The following SCAF4 variants were observed in gnomAD, a reference collection of about 807,000 sequenced individuals.
SCAF4 encodes SR-related and CTD-associated factor 4.
In SCAF4, 25 loss-of-function variants were observed where a neutral mutation model predicts 129.8. The ratio of observed to expected loss-of-function variants is 0.19; its 90% CI spans 0.14 to 0.27. The LOEUF is 0.27. SCAF4 is among the 10% of genes least tolerant of loss of function. The pLI, the probability that SCAF4 is intolerant of heterozygous loss-of-function variation, is 1.00. For synonymous variants in SCAF4, 551 were observed against 497.7 expected, an observed-to-expected ratio of 1.11 and a Z score of -1.43; for missense variants, 1,246 against 1,457.1, an observed-to-expected ratio of 0.86 and a Z score of 2.36.
chr21:31,692,270 TGG>T, intron 13 of SCAF4, 77 bp downstream of exon 13: 2 of 1,074,180 alleles, frequency 1.9e-6, no homozygotes, highest in Non-Finnish European at 2.9e-6. Context: ...ATTGTAACTT[TGG>T]TCTCAGGTCC....
At position 31,671,918 on chromosome 21, in the gene SCAF4, T is replaced by C. The variant is rs1333748476; in HGVS notation, c.2925A>G (p.Pro975=). The change falls in exon 20 of 20, where the codon CCA becomes CCG. Residue 975 remains proline, a synonymous_variant. Transcript: ENST00000286835. The part of the protein sequence containing the change: ...QQPPPSQQPP[P]TQQQPQQFRN... ...TAAACTGCTGTGGCTGCTGCTGTGT[T>C]GGTGGAGGCTGTTGTGATGGTGGTG... 2 of 1,612,644 alleles carry C rather than the reference T, an allele frequency of 1.2e-6. No homozygotes were observed. The highest frequency in any genetic ancestry group is 4.5e-5 in the East Asian group (2 of 44,852).
At chr21:31,678,272 C>T (rs558092802) in intron 19 of SCAF4, among the ~76,000 whole-genome samples, 1 of 152,310 alleles carries the variant, frequency 6.6e-6, no homozygotes, top group East Asian at 1.9e-4. Context: ...GCAATTACAT[C>T]TACCAGTTGC....
In SCAF4 at chr21:31,731,801, C is replaced by T. The variant is rs1383664172; in HGVS notation, c.-109G>A. ...GGGCCTGGTGGCCGGGGGGAGGCGA[C>T]GAGCGGCGGAGTCCGAGGCCCGGGC... is the stretch of plus-strand genomic sequence containing the variant. On this transcript the variant is annotated 5_prime_UTR_variant, in exon 1 of 20. Transcript: ENST00000286835. 3.1e-6 allele frequency: 4 copies of T among 1,292,724 alleles called. No individual in the cohort carries two copies. Among genetic ancestry groups the T allele is most frequent in the Non-Finnish European group, 4.1e-6 (4 of 985,674 alleles). The allele number at this position is 1,292,724 out of a possible 1,614,324, so 80.1% of individuals were successfully genotyped here.
intron 1 of SCAF4, among the ~76,000 whole-genome samples, chr21:31,714,087 C>A (rs1372770824): frequency 6.6e-6 from 1 of 152,094 alleles, no homozygotes. Context: ...AAATTAATTT[C>A]TCTAAGCCAT....
intron 1 of SCAF4, among the ~76,000 whole-genome samples, chr21:31,723,184 G>A (rs1289735955): frequency 1.3e-5 from 2 of 152,108 alleles, no homozygotes; most frequent in African/African-American, 4.8e-5. Context: ...ACTGTCTACC[G>A]AACACAAATA....
At chr21:31,715,250 C>A (rs79856588) in intron 1 of SCAF4, among the ~76,000 whole-genome samples, 3,743 of 152,006 alleles carry the variant, frequency 0.025, 154 homozygotes, top group African/African-American at 0.086. Context: ...AGCATCTTCT[C>A]CTTCTATCTC....
chr21:31,703,737 C>T, intron 4 of SCAF4, 28 bp downstream of exon 4: 3 of 1,201,948 alleles, frequency 2.5e-6, no homozygotes, highest in Non-Finnish European at 3.5e-6. Context: ...TTAAAGAATA[C>T]AAGTTTTAGT....
rs769387537 is a variant in SCAF4, at chr21:31,701,023, G to T, written c.749C>A (p.Pro250Gln). 13 of 1,613,836 alleles carry T rather than the reference G, an allele frequency of 8.1e-6. No homozygotes were observed. The highest frequency in any genetic ancestry group is 2.2e-5 in the South Asian group (2 of 91,084). The change falls in exon 7 of 20, where the codon CCA becomes CAA. Residue 250 changes from proline (P) to glutamine (Q), a missense_variant. Around this residue, in one of 6 missense-constraint regions of SCAF4, gnomAD observed 143 missense variants for 161.0 expected, o/e 0.89. Coordinates refer to ENST00000286835, the MANE Select transcript of SCAF4 (RefSeq NM_020706.2). ...QPSEQKAAFPPPEQKTAFDKK... is the reference protein window; with the variant it reads ...QPSEQKAAFPQPEQKTAFDKK... ...GTCAAATGCAGTTTTCTGTTCAGGTGGGGGGAAAGCAGCTTTTTGTTCAGA... is the reference window on the plus strand; with the variant it reads ...GTCAAATGCAGTTTTCTGTTCAGGTTGGGGGAAAGCAGCTTTTTGTTCAGA...
At chr21:31,696,860 A>C (rs1450405394) in intron 7 of SCAF4, 110 bp from the exon 8 acceptor site, 5 of 929,712 alleles carry the variant, frequency 5.4e-6, no homozygotes, top group Non-Finnish European at 6.5e-6. Flanking sequence ...CACATTGTCA[A>C]GCACAATCTT....
At chr21:31,680,197 G>T (rs1481529763) in intron 19 of SCAF4, among the ~76,000 whole-genome samples, 3 of 152,174 alleles carry the variant, frequency 2.0e-5, no homozygotes, top group Non-Finnish European at 2.9e-5. Flanking sequence ...TGACAGCCCA[G>T]GAGAAATGGA....
Position 31,671,675 on chromosome 21 carries a change from A to T in SCAF4, c.3168T>A (p.His1056Gln). Reference protein sequence around the residue: ...LEERNRRSSGHRDRERDSRDR... With the variant: ...LEERNRRSSGQRDRERDSRDR... ...CTCTAGAATCTCTCTCTCTGTCTCG[A>T]TGCCCACTAGAGCGTCTATTTCTCT... Residue 1056 changes from histidine to glutamine, a missense_variant, in exon 20 of 20, where the codon CAT (histidine) becomes CAA (glutamine). This residue lies in a region of SCAF4 where 339 missense variants were observed against 325.0 expected (regional missense o/e 1.04). Transcript: ENST00000286835. The T allele has an allele frequency of 6.2e-7, 1 of 1,613,764 alleles. No individual in the cohort carries two copies. The highest frequency in any genetic ancestry group is 1.6e-4 in the Middle Eastern group (1 of 6,062).
chr21:31,727,523 A>G (rs1012203064), intron 1 of SCAF4, among the ~76,000 whole-genome samples: 6 of 152,162 alleles, frequency 3.9e-5, no homozygotes, highest in African/African-American at 1.4e-4. Flanking sequence ...GGCTGGGCGC[A>G]GTGGCTCACA....
At position 31,701,999 on chromosome 21, in the gene SCAF4, C is replaced by T. The variant is rs1003744428; in HGVS notation, c.458-81G>A. ...TAATTAAGCTTCTTTGCTAAAATAACATTTTATCCAATTTAACAAAGTATA... is the reference window on the plus strand; with the variant it reads ...TAATTAAGCTTCTTTGCTAAAATAATATTTTATCCAATTTAACAAAGTATA... On this transcript the variant is annotated intron_variant, in intron 5 of 19. Coordinates refer to ENST00000286835, the MANE Select transcript of SCAF4 (RefSeq NM_020706.2). 4 of 1,501,256 alleles carry T rather than the reference C, an allele frequency of 2.7e-6. No homozygotes were observed. In the African/African-American group the frequency reaches 4.2e-5, roughly 16 times the overall value. 93.0% of individuals were successfully genotyped at this position (1,501,256 alleles called of 1,614,324 possible).
At chr21:31,708,673 TAA>T (rs1234085571) in intron 1 of SCAF4, among the ~76,000 whole-genome samples, 1 of 152,146 alleles carries the variant, frequency 6.6e-6, no homozygotes, top group East Asian at 1.9e-4. Flanking sequence ...CACACACATT[TAA>T]TTCTTGGGTT....
chr21:31,723,629 T>TGTGTGTGTGTGTGTGTGTGTGTGTGCGC (rs1271033175), intron 1 of SCAF4, among the ~76,000 whole-genome samples: 2 of 149,000 alleles, frequency 1.3e-5, no homozygotes, highest in African/African-American at 4.9e-5. Flanking sequence ...TGTGTGTGTG[T>TGTGTGTGTGTGTGTGTGTGTGTGTGCGC]GCGCGCGCGC....
intron 4 of SCAF4, among the ~76,000 whole-genome samples, chr21:31,702,962 C>A (rs1184264048): frequency 3.3e-5 from 5 of 152,086 alleles, no homozygotes; most frequent in Non-Finnish European, 5.9e-5. Context: ...TAAATGTCTC[C>A]GTTCTTCATT....
chr21:31,717,826 C>CATATAT (rs796625672), intron 1 of SCAF4, among the ~76,000 whole-genome samples: 13,410 of 109,022 alleles, frequency 0.12, 1,005 homozygotes, highest in East Asian at 0.31. Context: ...AAACTGCTGC[C>CATATAT]ATATATATAT....
chr21:31,691,672 TA>T (rs5843527), intron 14 of SCAF4, 144 bp downstream of exon 14: 46,693 of 279,300 alleles, frequency 0.17, 316 homozygotes, highest in Middle Eastern at 0.21. Context: ...AAATATTCTT[TA>T]AAAAAAAAAA....
chr21:31,715,687 T>G (rs1024440976), intron 1 of SCAF4, among the ~76,000 whole-genome samples: 4 of 152,184 alleles, frequency 2.6e-5, no homozygotes, highest in Admixed American at 2.6e-4. Context: ...GTAAATTTCA[T>G]GAACTCATTT....
Sources: gnomAD v4.1 joint callset for allele counts (sites outside exome capture counted in the v4.1 genomes callset) on GRCh38, gnomAD v4.1.1 for gene constraint, gnomAD v4.1.1 regional missense constraint, MANE v1.5 for transcripts, NCBI Gene and HGNC (gene_info 2026-07-23, HGNC 2026-07-21) for gene names.